The following JMJD6 variants were observed in gnomAD, a reference collection of about 807,000 sequenced individuals.
JMJD6 encodes the protein bifunctional arginine demethylase and lysyl-hydroxylase JMJD6.
JMJD6 carries 17 observed loss-of-function variants against 45.8 expected under a neutral mutation model. The ratio of observed to expected loss-of-function variants is 0.37; its 90% CI spans 0.25 to 0.56. The LOEUF is 0.56. Ranked by LOEUF, JMJD6 falls within the 20% of genes least tolerant of loss-of-function variation. The pLI is 0.79. For synonymous variants in JMJD6, 221 were observed against 196.3 expected, an observed-to-expected ratio of 1.13 and a Z score of -1.05; for missense variants, 470 against 517.5, an observed-to-expected ratio of 0.91 and a Z score of 0.89.
At chr17:76,716,617 C>T (rs371482270), downstream of JMJD6, 19 of 1,432,826 alleles carry the variant, frequency 1.3e-5, no homozygotes, top group Admixed American at 1.0e-4. Flanking sequence ...GCAGAAGATG[C>T]GAGAACTGAG....
chr17:76,715,756 A>G (rs1181702342), downstream of JMJD6: 1 of 152,206 alleles, frequency 6.6e-6, no homozygotes, highest in Non-Finnish European at 1.5e-5. Context: ...AGGTGAATCA[A>G]GAGGGCAAGA....
At chr17:76,720,525 G>C (rs772258044) in intron 4 of JMJD6, 27 bp from the exon 5 acceptor site, 1 of 1,611,232 alleles carries the variant, frequency 6.2e-7, no homozygotes, top group Non-Finnish European at 8.5e-7. Flanking sequence ...GTTGTTCTCA[G>C]TGCACTGACA....
chr17:76,725,495 C>G lies in JMJD6; in HGVS notation c.490G>C (p.Ala164Pro). ...TAAGGGGGCCTGCGCTTCTCCCCAG[C>G]ATACTGGAAAAGGTCATCAGTGAAA... ...KFFTDDLFQYAGEKRRPPYRW... is the reference protein window; with the variant it reads ...KFFTDDLFQYPGEKRRPPYRW... The change falls in exon 2 of 6, where the codon GCT becomes CCT. Residue 164 changes from alanine to proline, a missense_variant. Physicochemically the swap from Ala to Pro is conservative, Grantham distance 27. Transcript: ENST00000397625. The G allele has an allele frequency of 6.2e-7, 1 of 1,613,536 alleles. No individual in the cohort carries two copies. The highest frequency in any genetic ancestry group is 8.5e-7 in the Non-Finnish European group (1 of 1,179,854).
chr17:76,716,545 G>C (rs745690975), downstream of JMJD6: 29 of 745,430 alleles, frequency 3.9e-5, no homozygotes, highest in Middle Eastern at 2.4e-4. Flanking sequence ...TTTGACCGAA[G>C]ATAGGAGCTT....
At chr17:76,722,852 A>G (rs1375901663) in intron 3 of JMJD6, among the ~76,000 whole-genome samples, 29 of 149,936 alleles carry the variant, frequency 1.9e-4, no homozygotes, top group African/African-American at 6.1e-4. Context: ...TCTCAAAAAA[A>G]AAAAAAAAAA....
chr17:76,715,182 A>G (rs2076755438), downstream of JMJD6: 1 of 152,218 alleles, frequency 6.6e-6, no homozygotes, highest in Non-Finnish European at 1.5e-5. Flanking sequence ...GATGGCAAGA[A>G]AAGTCTTTTT....
downstream of JMJD6, chr17:76,714,064 C>G (rs1403065136): frequency 6.6e-6 from 1 of 152,200 alleles, no homozygotes; most frequent in African/African-American, 2.4e-5. Context: ...CGGACAGCTG[C>G]AAGAATACAG....
At chr17:76,725,943 G>C in intron 1 of JMJD6, 88 bp from the exon 2 acceptor site, 1 of 1,442,662 alleles carries the variant, frequency 6.9e-7, no homozygotes, top group Non-Finnish European at 9.2e-7. Context: ...AACTGGTAAT[G>C]ACAAACCGAA....
chr17:76,717,376 C>T (rs1050549492), downstream of JMJD6, among the ~76,000 whole-genome samples: 2 of 152,184 alleles, frequency 1.3e-5, no homozygotes, highest in African/African-American at 4.8e-5. Context: ...TATCTTCCAA[C>T]AACCTCTCTT....
Position 76,723,946 on chromosome 17 carries a change from T to C in JMJD6, c.631A>G (p.Thr211Ala). Residue 211 changes from threonine (T) to alanine (A), a missense_variant, in exon 3 of 6, where the codon ACC becomes GCC. By Grantham distance (58) the Thr-to-Ala change is moderately conservative. Coordinates refer to ENST00000397625, the MANE Select transcript of JMJD6 (RefSeq NM_015167.3). Reference sequence around the variant, plus strand: ...TTGATGAGTTCCCTGGGAGTGCTGGTAGGAAACAGGCACCAGCGCTTGTGG... The same window carrying C: ...TTGATGAGTTCCCTGGGAGTGCTGGCAGGAAACAGGCACCAGCGCTTGTGG... ...QGHKRWCLFP[T>A]STPRELIKVT... The C allele has an allele frequency of 6.2e-7, 1 of 1,614,046 alleles. No individual in the cohort carries two copies. The highest frequency in any genetic ancestry group is 8.5e-7 in the Non-Finnish European group (1 of 1,179,992).
chr17:76,720,224 T>C (rs1274392220), intron 5 of JMJD6, 136 bp downstream of exon 5: 1 of 756,374 alleles, frequency 1.3e-6, no homozygotes, highest in Middle Eastern at 3.8e-4. Context: ...TGGTGACAAC[T>C]GTGTAACCCT....
chr17:76,714,120 G>A (rs948160811), downstream of JMJD6: 4 of 152,200 alleles, frequency 2.6e-5, no homozygotes, highest in African/African-American at 9.7e-5. Context: ...CCTCAAGGAT[G>A]TCACCCTAAA....
chr17:76,725,091 C>G (rs577447389), intron 2 of JMJD6, among the ~76,000 whole-genome samples: 12 of 152,068 alleles, frequency 7.9e-5, no homozygotes, highest in African/African-American at 2.9e-4. Context: ...CTGAACTCAG[C>G]GAGCAAATGC....
intron 2 of JMJD6, 103 bp from the exon 3 acceptor site, chr17:76,724,161 C>T (rs1443798639): frequency 2.3e-6 from 3 of 1,299,814 alleles, no homozygotes; most frequent in Non-Finnish European, 3.2e-6. Flanking sequence ...TGCTCTATCA[C>T]CCAGGCTGGA....
Position 76,725,828 on chromosome 17 carries a change from G to A in JMJD6, c.157C>T (p.Gln53Ter), listed in dbSNP as rs1047230429. 3 of 1,613,048 alleles carry A rather than the reference G, an allele frequency of 1.9e-6. No homozygotes were observed. The highest frequency in any genetic ancestry group is 1.7e-6 in the Non-Finnish European group (2 of 1,179,846). Residue 53 changes from glutamine to a stop codon, truncating the protein, a stop_gained, in exon 2 of 6, where the codon CAG becomes TAG. Coordinates refer to ENST00000397625, the MANE Select transcript of JMJD6 (RefSeq NM_015167.3). LOFTEE classifies it high-confidence loss of function. ...ADNVERADAL[Q>*]LSVEEFVERY... is the part of the protein sequence containing the mutation. ...TCCACAAATTCTTCCACAGACAGCT[G>A]TAAAGCATCTGCCCTTTCCACGTTA...
Position 76,723,776 on chromosome 17 carries a change from T to C in JMJD6, c.801A>G (p.Val267=), listed in dbSNP as rs1446234720. 1.4e-5 allele frequency: 23 copies of C among 1,613,894 alleles called. No homozygotes were observed. In the Admixed American group the frequency reaches 3.5e-4, roughly 25 times the overall value. ...ILQKPGETVF[V]PGGWWHVVLN... ...TTTCTTCCAGTTCATCTATACCTGG[T>C]ACAAAGACAGTCTCTCCTGGTTTTT... The change falls in exon 3 of 6, where the codon GTA becomes GTG. Residue 267 remains valine, a synonymous_variant. Coordinates refer to ENST00000397625, the MANE Select transcript of JMJD6 (RefSeq NM_015167.3).
chr17:76,723,174 G>A (rs1598379224), intron 3 of JMJD6, among the ~76,000 whole-genome samples: 2 of 151,972 alleles, frequency 1.3e-5, no homozygotes, highest in South Asian at 2.1e-4. Context: ...TTGAACTCCC[G>A]ACCTCAAGTG....
At chr17:76,723,222 A>C (rs2076850569) in intron 3 of JMJD6, among the ~76,000 whole-genome samples, 1 of 152,094 alleles carries the variant, frequency 6.6e-6, no homozygotes, top group African/African-American at 2.4e-5. Context: ...CTGATATTAC[A>C]GGTGTGAGCC....
chr17:76,723,624 G>C (rs2076856990), intron 3 of JMJD6, 148 bp downstream of exon 3: 2 of 729,300 alleles, frequency 2.7e-6, no homozygotes, highest in Non-Finnish European at 4.4e-6. Context: ...TGTATTTTTA[G>C]TAGAGACGGG....
Sources: gnomAD v4.1 joint callset for allele counts (sites outside exome capture counted in the v4.1 genomes callset) on GRCh38, gnomAD v4.1.1 for gene constraint, MANE v1.5 for transcripts, NCBI Gene and HGNC (gene_info 2026-07-23, HGNC 2026-07-21) for gene names.